The following PLCXD3 variants were observed in gnomAD, a reference collection of about 807,000 sequenced individuals.
The protein encoded by PLCXD3 is phosphatidylinositol specific phospholipase C X domain containing 3, also known as PI-PLC X domain-containing protein 3.
PLCXD3 carries 19 observed loss-of-function variants against 25.5 expected under a neutral mutation model. The observed-to-expected ratio is 0.75, with a 90% CI of 0.52 to 1.09. PLCXD3 has a LOEUF of 1.09. Ranked by LOEUF, PLCXD3 falls within the 50% of genes least tolerant of loss-of-function variation. PLCXD3 has a pLI of 0.00. For synonymous variants in PLCXD3, 174 were observed against 137.6 expected (o/e 1.26, Z -1.85); for missense variants, 411 against 388.1 (o/e 1.06, Z -0.50).
rs117395807 is a variant in PLCXD3 at position 41,452,031 on chromosome 5, T to C, written c.103+58393A>G. ...TTTTCTGCTCAAGGGATTGCTTTCC[T>C]TACTGAAATAAAATCAAGGACCCCA... is the stretch of plus-strand genomic sequence containing the variant. On this transcript the variant is annotated intron_variant, in intron 1 of 2. Coordinates refer to ENST00000377801, the MANE Select transcript of PLCXD3 (RefSeq NM_001005473.3). Among the ~76,000 whole-genome samples the C allele has an allele frequency of 1.3e-4, 20 of 152,116 alleles. No homozygotes were observed. The East Asian group carries it at 3.7e-3, about 28-fold the overall frequency.
intron 1 of PLCXD3, among the ~76,000 whole-genome samples, chr5:41,390,040 C>T (rs1315696986): frequency 6.6e-6 from 1 of 152,112 alleles, no homozygotes; most frequent in Non-Finnish European, 1.5e-5. Flanking sequence ...AACCACTAAT[C>T]TGCTATATAT....
intron 2 of PLCXD3, among the ~76,000 whole-genome samples, chr5:41,345,159 C>A (rs1404306399): frequency 6.6e-6 from 1 of 152,146 alleles, no homozygotes; most frequent in Non-Finnish European, 1.5e-5. Flanking sequence ...AGATTTGTGT[C>A]CAAATAATAT....
At chr5:41,443,610 G>A (rs1272011834) in intron 1 of PLCXD3, among the ~76,000 whole-genome samples, 1 of 152,228 alleles carries the variant, frequency 6.6e-6, no homozygotes, top group South Asian at 2.1e-4. Context: ...AGGAGAGACA[G>A]AGCATGGAGG....
At chr5:41,376,497 G>A (rs935083710) in intron 2 of PLCXD3, among the ~76,000 whole-genome samples, 7 of 151,472 alleles carry the variant, frequency 4.6e-5, no homozygotes, top group Non-Finnish European at 1.0e-4. Context: ...CTTTTTCCTC[G>A]ACTCATCCCC....
At chr5:41,472,656 C>G (rs1748190876) in intron 1 of PLCXD3, among the ~76,000 whole-genome samples, 1 of 152,152 alleles carries the variant, frequency 6.6e-6, no homozygotes. Context: ...TCATGTTGTT[C>G]TATTTCAGAG....
At chr5:41,501,654 T>C (rs1222709605) in intron 1 of PLCXD3, among the ~76,000 whole-genome samples, 1 of 152,108 alleles carries the variant, frequency 6.6e-6, no homozygotes. Flanking sequence ...CTGTATTATA[T>C]ACTTAAAATT....
intron 1 of PLCXD3, among the ~76,000 whole-genome samples, chr5:41,487,917 T>A (rs908077847): frequency 2.0e-5 from 3 of 152,090 alleles, no homozygotes; most frequent in Non-Finnish European, 1.5e-5. Flanking sequence ...TTTTATTTTT[T>A]AATTTTATTA....
At chr5:41,336,895 CCTT>C (rs1469690327) in intron 2 of PLCXD3, among the ~76,000 whole-genome samples, 1 of 152,010 alleles carries the variant, frequency 6.6e-6, no homozygotes, top group Admixed American at 6.6e-5. Context: ...CGAGAGTAAA[CCTT>C]CTGCACACAA....
At chr5:41,423,976 G>C (rs1396467368) in intron 1 of PLCXD3, among the ~76,000 whole-genome samples, 1 of 152,012 alleles carries the variant, frequency 6.6e-6, no homozygotes, top group Non-Finnish European at 1.5e-5. Flanking sequence ...GAATACTTAA[G>C]ACCAACTCTT....
At chr5:41,348,861 G>GA (rs1311457818) in intron 2 of PLCXD3, among the ~76,000 whole-genome samples, 1 of 152,098 alleles carries the variant, frequency 6.6e-6, no homozygotes, top group African/African-American at 2.4e-5. Context: ...ATTTCCTTCA[G>GA]AAAAAGCATG....
At chr5:41,412,268 T>C (rs2150503658) in intron 1 of PLCXD3, among the ~76,000 whole-genome samples, 1 of 152,340 alleles carries the variant, frequency 6.6e-6, no homozygotes, top group Middle Eastern at 3.4e-3. Flanking sequence ...TATTACATAG[T>C]CTTCAAACAT....
At chr5:41,389,534 T>G (rs570719016) in intron 1 of PLCXD3, among the ~76,000 whole-genome samples, 1 of 152,126 alleles carries the variant, frequency 6.6e-6, no homozygotes, top group African/African-American at 2.4e-5. Context: ...TCTGTGCATA[T>G]AGGCAAAGAT....
At chr5:41,414,596 G>A (rs1432582343) in intron 1 of PLCXD3, among the ~76,000 whole-genome samples, 1 of 152,160 alleles carries the variant, frequency 6.6e-6, no homozygotes, top group East Asian at 1.9e-4. Flanking sequence ...AGCATAAGTA[G>A]CCTGTTACAA....
Position 41,420,720 on chromosome 5 carries a change from T to C in PLCXD3, c.104-38186A>G, listed in dbSNP as rs78555089. On this transcript the variant is annotated intron_variant, in intron 1 of 2. Coordinates refer to ENST00000377801, the MANE Select transcript of PLCXD3 (RefSeq NM_001005473.3). ...TTATCTTTGCATGGCAGGATAATTG[T>C]ATACAATAAGCCAGGACATGAAACA... Among the ~76,000 whole-genome samples, 53 of 152,342 alleles carry C rather than the reference T, an allele frequency of 3.5e-4. No homozygotes were observed. In the East Asian group the frequency reaches 6.6e-3, roughly 19 times the overall value.
At chr5:41,321,744 A>T (rs1287633511) in intron 2 of PLCXD3, among the ~76,000 whole-genome samples, 1 of 152,200 alleles carries the variant, frequency 6.6e-6, no homozygotes, top group Admixed American at 6.5e-5. Flanking sequence ...ACCAAGAGAA[A>T]ATAATAAATA....
chr5:41,340,832 A>T (rs1744119490), intron 2 of PLCXD3, among the ~76,000 whole-genome samples: 1 of 152,208 alleles, frequency 6.6e-6, no homozygotes, highest in Non-Finnish European at 1.5e-5. Context: ...GAAGTCATTA[A>T]GTGGAAGTTA....
chr5:41,342,013 G>A (rs1234646711), intron 2 of PLCXD3, among the ~76,000 whole-genome samples: 1 of 152,178 alleles, frequency 6.6e-6, no homozygotes, highest in African/African-American at 2.4e-5. Context: ...TCATACGGCT[G>A]TGATCTAGTG....
At chr5:41,501,103 G>A (rs1444436377) in intron 1 of PLCXD3, among the ~76,000 whole-genome samples, 1 of 152,002 alleles carries the variant, frequency 6.6e-6, no homozygotes, top group African/African-American at 2.4e-5. Context: ...TACACTGTTG[G>A]TGGAAGTGTA....
chr5:41,481,828 T>G (rs980308184), intron 1 of PLCXD3, among the ~76,000 whole-genome samples: 4 of 152,200 alleles, frequency 2.6e-5, no homozygotes, highest in African/African-American at 9.6e-5. Context: ...CCTCCTGGCA[T>G]GGACAGCAGG....
Sources: gnomAD v4.1 joint callset for allele counts (sites outside exome capture counted in the v4.1 genomes callset) on GRCh38, gnomAD v4.1.1 for gene constraint, MANE v1.5 for transcripts, NCBI Gene and HGNC (gene_info 2026-07-23, HGNC 2026-07-21) for gene names.